SMCR8: variants seen among roughly 807,000 people sequenced by gnomAD.
The protein encoded by SMCR8 is guanine nucleotide exchange protein SMCR8.
In SMCR8, 30 loss-of-function variants were observed where a neutral mutation model predicts 56.6. The ratio of observed to expected loss-of-function variants is 0.53; its 90% CI spans 0.40 to 0.72. The LOEUF (loss-of-function observed/expected upper bound fraction) is 0.72, where lower values mean the gene tolerates loss of function less well. SMCR8 is among the 30% of genes least tolerant of loss of function. The pLI is 0.00. For missense variants in SMCR8, 1,198 were observed against 1,157.0 expected, an observed-to-expected ratio of 1.04 and a Z score of -0.51; for synonymous variants, 538 against 456.0, an observed-to-expected ratio of 1.18 and a Z score of -2.29.
At chr17:18,322,503 T>C in intron 1 of SMCR8, 114 bp from the exon 2 acceptor site, 1 of 866,072 alleles carries the variant, frequency 1.2e-6, no homozygotes, top group Non-Finnish European at 1.8e-6. Flanking sequence ...GAAGAGCCAG[T>C]GCATGCTGGC....
rs769146373 is a variant in SMCR8, at chr17:18,323,292, T to C, written c.*222T>C. On this transcript the variant is annotated 3_prime_UTR_variant, in exon 2 of 2. Transcript: ENST00000406438. ...AGGGATGGTGACAGCTACATTTGGC[T>C]CCCTGGTGAAGAGTGGCCCCTGGAT... 2 of 539,554 alleles carry C rather than the reference T, an allele frequency of 3.7e-6. No homozygotes were observed. The highest frequency in any genetic ancestry group is 6.6e-6 in the Non-Finnish European group (2 of 303,050). 33.4% of individuals were successfully genotyped at this position (539,554 alleles called of 1,614,324 possible).
chr17:18,321,594 CTT>C (rs925672292), intron 1 of SMCR8, among the ~76,000 whole-genome samples: 45 of 152,228 alleles, frequency 3.0e-4, no homozygotes, highest in African/African-American at 9.9e-4. Context: ...AATCCCAAAT[CTT>C]TGGGAGGCCA....
At position 18,317,619 on chromosome 17, in the gene SMCR8, G is replaced by T; in HGVS notation, c.1830G>T (p.Gly610=). 1 of 1,614,140 alleles carries T rather than the reference G, an allele frequency of 6.2e-7. No homozygotes were observed. Among genetic ancestry groups the T allele is most frequent in the East Asian group, 2.2e-5 (1 of 44,882 alleles). The change falls in exon 1 of 2, where the codon GGG becomes GGT. Residue 610 remains glycine, a synonymous_variant. Transcript: ENST00000406438. ...TPAHTHSDED[G]VVSSPPQRHR... ...CCCACACACACTCTGACGAGGATGG[G>T]GTGGTGAGCAGCCCCCCACAGCGCC...
chr17:18,315,611 G>A lies in SMCR8; in HGVS notation c.-179G>A. 1 of 589,718 alleles carries A rather than the reference G, an allele frequency of 1.7e-6. No homozygotes were observed. The highest frequency in any genetic ancestry group is 2.8e-5 in the East Asian group (1 of 35,308). 36.5% of individuals were successfully genotyped at this position (589,718 alleles called of 1,614,324 possible). ...TCCGGAGGAGCTACAACTGTGAGGG[G>A]GCTGCTAGAGTTCTTCTCCTCGGGT... On this transcript the variant is annotated 5_prime_UTR_variant, in exon 1 of 2. Transcript: ENST00000406438.
Position 18,318,136 on chromosome 17 carries a change from A to T in SMCR8, c.2347A>T (p.Ile783Phe). The change falls in exon 1 of 2, where the codon ATT becomes TTT. Residue 783 changes from isoleucine (I) to phenylalanine (F), a missense_variant. Transcript: ENST00000406438. ...TATGGATTTTCAGAAGTGGAAGCTT[A>T]TTGGCTTGCAGAGGTAACTGGTTCC... ...HIMDFQKWKL[I>F]GLQRVASPAG... 1 of 1,612,070 alleles carries T rather than the reference A, an allele frequency of 6.2e-7. No homozygotes were observed. The highest frequency in any genetic ancestry group is 8.5e-7 in the Non-Finnish European group (1 of 1,178,242).
Position 18,322,627 on chromosome 17 carries a change from C to T in SMCR8, c.2371C>T (p.Pro791Ser), listed in dbSNP as rs1982531691. The change falls in exon 2 of 2, where the codon CCT (proline) becomes TCT (serine). Residue 791 changes from proline to serine, a missense_variant. By Grantham distance (74) the Pro-to-Ser change is moderately conservative. Coordinates refer to ENST00000406438, the MANE Select transcript of SMCR8 (RefSeq NM_144775.3). ...KLIGLQRVAS[P>S]AGAGTLHALS... ...GCCTGTCTGTTTCAGAGTGGCCTCC[C>T]CTGCCGGTGCCGGTACCCTCCATGC... 2.5e-6 allele frequency: 4 copies of T among 1,613,346 alleles called. No individual in the cohort carries two copies. In the East Asian group the frequency reaches 8.9e-5, roughly 36 times the overall value.
rs758100877 is a variant in SMCR8, at chr17:18,323,040, C to T, written c.2784C>T (p.Asp928=). ...CCAGCCACCCCATGCTCAGGTTTGA[C>T]TATGTCCCCAGCTTTTTGTATAAAA... ...PGTSHPMLRF[D]YVPSFLYKI Residue 928 remains aspartate (D), a synonymous_variant, in exon 2 of 2, where the codon GAC becomes GAT. Coordinates refer to ENST00000406438, the MANE Select transcript of SMCR8 (RefSeq NM_144775.3). The T allele has an allele frequency of 1.2e-6, 2 of 1,613,942 alleles. No homozygotes were observed. Among genetic ancestry groups the T allele is most frequent in the South Asian group, 2.2e-5 (2 of 91,072 alleles).
intron 1 of SMCR8, among the ~76,000 whole-genome samples, chr17:18,318,367 C>G (rs1567759286): frequency 6.6e-6 from 1 of 152,136 alleles, no homozygotes; most frequent in Non-Finnish European, 1.5e-5. Flanking sequence ...CCATCTGTCC[C>G]CGAGCTGTGT....
At position 18,316,141 on chromosome 17, in the gene SMCR8, G is replaced by A. The variant is rs754151897; in HGVS notation, c.352G>A (p.Val118Met). Residue 118 changes from valine (V) to methionine (M), a missense_variant, in exon 1 of 2, where the codon GTG becomes ATG. Physicochemically the swap from Val to Met is conservative, Grantham distance 21. Coordinates refer to ENST00000406438, the MANE Select transcript of SMCR8 (RefSeq NM_144775.3). ...PGSAYPKLNF[V>M]EDSKVVLGDS... Reference sequence around the variant, plus strand: ...ATCTGCCTACCCCAAGCTGAACTTCGTGGAGGACTCCAAGGTGGTGCTGGG... The same window carrying A: ...ATCTGCCTACCCCAAGCTGAACTTCATGGAGGACTCCAAGGTGGTGCTGGG... 1.9e-6 allele frequency: 3 copies of A among 1,614,128 alleles called. No homozygotes were observed. The highest frequency in any genetic ancestry group is 1.7e-5 in the Admixed American group (1 of 60,008).
rs1982749800 is a variant in SMCR8 at position 18,328,007 on chromosome 17, T to C, written c.*4937T>C. The C allele has an allele frequency of 2.0e-5, 3 of 152,792 alleles. No homozygotes were observed. The highest frequency in any genetic ancestry group is 2.9e-5 in the Non-Finnish European group (2 of 68,052). The allele number at this position is 152,792 out of a possible 1,614,324, so 9.5% of individuals were successfully genotyped here. On this transcript the variant is annotated 3_prime_UTR_variant, in exon 2 of 2. Transcript: ENST00000406438. ...ATTGTGCTTATTAAAAATGGTCATC[T>C]ATGTTTTGCACTTCAGCTACGTGAA...
At chr17:18,321,541 G>T (rs1982497595) in intron 1 of SMCR8, among the ~76,000 whole-genome samples, 1 of 152,244 alleles carries the variant, frequency 6.6e-6, no homozygotes, top group African/African-American at 2.4e-5. Flanking sequence ...CCCCATGAGG[G>T]ATGTAATAGT....
Position 18,316,293 on chromosome 17 carries a change from GTTCCAGGAGCTTTCAGCCGAATT to G in SMCR8, c.511_533del (p.Glu171SerfsTer3). The G allele has an allele frequency of 6.2e-7, 1 of 1,614,016 alleles. No homozygotes were observed. Among genetic ancestry groups the G allele is most frequent in the Non-Finnish European group, 8.5e-7 (1 of 1,180,016 alleles). ...CAGACCAGCATAAAATCATGCAGCA[GTTCCAGGAGCTTTCAGCCGAATT>G]TTCCAGAGCTTCTGAGTGCTTGAAG... On this transcript the variant is annotated frameshift_variant, in exon 1 of 2. Transcript: ENST00000406438. LOFTEE classifies it high-confidence loss of function.
rs995422755 is a variant in SMCR8, at chr17:18,316,165, G to A, written c.376G>A (p.Gly126Arg). ...CGTGGAGGACTCCAAGGTGGTGCTG[G>A]GAGATTCTAAGGAGGGCGCCTTTGC... Reference protein sequence around the residue: ...NFVEDSKVVLGDSKEGAFAYV... With the variant: ...NFVEDSKVVLRDSKEGAFAYV... The change falls in exon 1 of 2, where the codon GGA (glycine) becomes AGA (arginine). Residue 126 changes from glycine (G) to arginine (R), a missense_variant. Physicochemically the swap from Gly to Arg is moderately radical, Grantham distance 125. Transcript: ENST00000406438. 1.9e-6 allele frequency: 3 copies of A among 1,613,948 alleles called. No individual in the cohort carries two copies. Among genetic ancestry groups the A allele is most frequent in the Non-Finnish European group, 2.5e-6 (3 of 1,180,022 alleles).
Position 18,317,236 on chromosome 17 carries a change from G to A in SMCR8, c.1447G>A (p.Val483Met), listed in dbSNP as rs376088975. The A allele has an allele frequency of 3.7e-6, 6 of 1,614,028 alleles. No individual in the cohort carries two copies. Among genetic ancestry groups the A allele is most frequent in the Non-Finnish European group, 3.4e-6 (4 of 1,180,018 alleles). The change falls in exon 1 of 2, where the codon GTG becomes ATG. Residue 483 changes from valine (V) to methionine (M), a missense_variant. By Grantham distance (21) the Val-to-Met change is conservative. Coordinates refer to ENST00000406438, the MANE Select transcript of SMCR8 (RefSeq NM_144775.3). ...TTTGGGCACGGAGAAATCCACCTCC[G>A]TGCTTTCTAAATCTGACAGCCAGGC... ...EVLGTEKSTSVLSKSDSQASL... is the reference protein window; with the variant it reads ...EVLGTEKSTSMLSKSDSQASL...
Position 18,316,275 on chromosome 17 carries a change from G to T in SMCR8, c.486G>T (p.Gln162His). ...GCATGGCTTATATCTCTGCAGACCA[G>T]CATAAAATCATGCAGCAGTTCCAGG... Reference protein sequence around the residue: ...PFCMAYISADQHKIMQQFQEL... With the variant: ...PFCMAYISADHHKIMQQFQEL... Residue 162 changes from glutamine to histidine, a missense_variant, in exon 1 of 2, where the codon CAG becomes CAT. Coordinates refer to ENST00000406438, the MANE Select transcript of SMCR8 (RefSeq NM_144775.3). 6.2e-7 allele frequency: 1 copy of T among 1,613,858 alleles called. No homozygotes were observed. Among genetic ancestry groups the T allele is most frequent in the Non-Finnish European group, 8.5e-7 (1 of 1,180,030 alleles).
At position 18,322,784 on chromosome 17, in the gene SMCR8, A is replaced by G; in HGVS notation, c.2528A>G (p.Tyr843Cys). The G allele has an allele frequency of 1.2e-6, 2 of 1,614,076 alleles. No homozygotes were observed. The highest frequency in any genetic ancestry group is 1.7e-6 in the Non-Finnish European group (2 of 1,179,956). The change falls in exon 2 of 2, where the codon TAC becomes TGC. Residue 843 changes from tyrosine to cysteine, a missense_variant. By Grantham distance (194) the Tyr-to-Cys change is radical (BLOSUM62 -2). Transcript: ENST00000406438. ...ACACAGATCAAGCGGGGCAGCACCTACTACCTGCATGTCCAGAGCATGCTC... is the reference window on the plus strand; with the variant it reads ...ACACAGATCAAGCGGGGCAGCACCTGCTACCTGCATGTCCAGAGCATGCTC... ...HRTQIKRGST[Y>C]YLHVQSMLTQ...
rs1982381715 is a variant in SMCR8, at chr17:18,317,973, C to T, written c.2184C>T (p.Leu728=). The T allele has an allele frequency of 6.2e-7, 1 of 1,614,250 alleles. No homozygotes were observed. Among genetic ancestry groups the T allele is most frequent in the East Asian group, 2.2e-5 (1 of 44,890 alleles). The change falls in exon 1 of 2, where the codon CTC becomes CTT. Residue 728 remains leucine, a synonymous_variant. Transcript: ENST00000406438. ...CCCACCCAGCCATCTACTCCCTGCT[C>T]AGTGGGAGGACACTTGTGGTCCTGG... ...PFAHPAIYSL[L]SGRTLVVLGE...
rs751144213 is a variant in SMCR8, at chr17:18,317,479, C to T, written c.1690C>T (p.Pro564Ser). ...CCGCTTCCAGGCAAGCATCAGTCCT[C>T]CAGAACTGGGTGAGACAGAGGAAGG... ...AIRFQASISP[P>S]ELGETEEGSI... is the part of the protein sequence containing the mutation. Residue 564 changes from proline to serine, a missense_variant, in exon 1 of 2, where the codon CCA becomes TCA. Coordinates refer to ENST00000406438, the MANE Select transcript of SMCR8 (RefSeq NM_144775.3). 6.2e-7 allele frequency: 1 copy of T among 1,614,126 alleles called. No individual in the cohort carries two copies. The highest frequency in any genetic ancestry group is 8.5e-7 in the Non-Finnish European group (1 of 1,180,028).
At chr17:18,319,733 T>C (rs1982441604) in intron 1 of SMCR8, among the ~76,000 whole-genome samples, 1 of 152,092 alleles carries the variant, frequency 6.6e-6, no homozygotes, top group Admixed American at 6.5e-5. Flanking sequence ...GTTGTTGTTG[T>C]TGTTGGAGAC....
Sources: gnomAD v4.1 joint callset for allele counts (sites outside exome capture counted in the v4.1 genomes callset) on GRCh38, gnomAD v4.1.1 for gene constraint, MANE v1.5 for transcripts, NCBI Gene and HGNC (gene_info 2026-07-23, HGNC 2026-07-21) for gene names.